The following RAD54L2 variants were observed in gnomAD, a reference collection of about 807,000 sequenced individuals.
RAD54L2 encodes the protein helicase ARIP4.
RAD54L2 carries 27 observed loss-of-function variants against 138.4 expected under a neutral mutation model. The observed-to-expected ratio is 0.20, with a 90% confidence interval of 0.14 to 0.27. The LOEUF is 0.27. Ranked by LOEUF, RAD54L2 falls within the 10% of genes least tolerant of loss-of-function variation. The probability of loss-of-function intolerance (pLI) is 1.00; values close to 1 mark genes in which losing one functional copy is unlikely to be tolerated. For missense variants in RAD54L2, 1,396 were observed against 1,890.2 expected, an observed-to-expected ratio of 0.74 and a Z score of 4.85; for synonymous variants, 644 against 723.2, an observed-to-expected ratio of 0.89 and a Z score of 1.76.
chr3:51,609,055 T>C (rs1040472370), intron 3 of RAD54L2, among the ~76,000 whole-genome samples: 2 of 152,144 alleles, frequency 1.3e-5, no homozygotes, highest in Non-Finnish European at 2.9e-5. Context: ...CACACTCGGC[T>C]AATATTTGTA....
At chr3:51,574,454 T>C (rs1699416171) in intron 2 of RAD54L2, among the ~76,000 whole-genome samples, 1 of 152,238 alleles carries the variant, frequency 6.6e-6, no homozygotes, top group South Asian at 2.1e-4. Flanking sequence ...TAGTTTACAG[T>C]CCCACCAACA....
At position 51,646,401 on chromosome 3, in the gene RAD54L2, T is replaced by C; in HGVS notation, c.2946T>C (p.Tyr982=). The change falls in exon 19 of 23, where the codon TAT becomes TAC. Residue 982 remains tyrosine (Y), a synonymous_variant. Transcript: ENST00000684192. ...YEEDKRTSVP[Y]TRPSYAQYYP... ...AAGACAAACGCACATCAGTCCCCTATACCCGCCCATCGTATGCGCAGTATT... is the reference window on the plus strand; with the variant it reads ...AAGACAAACGCACATCAGTCCCCTACACCCGCCCATCGTATGCGCAGTATT... The C allele has an allele frequency of 6.2e-7, 1 of 1,613,858 alleles. No individual in the cohort carries two copies. Among genetic ancestry groups the C allele is most frequent in the African/African-American group, 1.3e-5 (1 of 75,044 alleles).
In RAD54L2 at chr3:51,623,214, G is replaced by C. The variant is rs150582317; in HGVS notation, c.140-4339G>C. On this transcript the variant is annotated intron_variant, in intron 3 of 22. Transcript: ENST00000684192. The stretch of plus-strand genomic sequence containing the variant: ...AATTTCATCGAGGCAGTATGTGTGT[G>C]TAAGAAACATTCATTTTGTGACAAC... Among the ~76,000 whole-genome samples the C allele has an allele frequency of 6.0e-3, 919 of 152,326 alleles. 12 individuals carry two copies. Among genetic ancestry groups the C allele is most frequent in the African/African-American group, 0.019 (809 of 41,568 alleles).
chr3:51,616,941 T>C (rs1195642812), intron 3 of RAD54L2, among the ~76,000 whole-genome samples: 1 of 152,240 alleles, frequency 6.6e-6, no homozygotes, highest in Non-Finnish European at 1.5e-5. Flanking sequence ...TAGATTAGCT[T>C]TGCCTATTCT....
At chr3:51,542,856 T>C (rs1698588255) in intron 2 of RAD54L2, among the ~76,000 whole-genome samples, 1 of 152,192 alleles carries the variant, frequency 6.6e-6, no homozygotes, top group Admixed American at 6.5e-5. Flanking sequence ...TGACAGTTTG[T>C]ATGGGGAAGC....
rs978474450 is a variant in RAD54L2 at position 51,665,091 on chromosome 3, A to T, written c.*1671A>T. 2 of 152,070 alleles carry T rather than the reference A, an allele frequency of 1.3e-5. No individual in the cohort carries two copies. The highest frequency in any genetic ancestry group is 4.8e-5 in the African/African-American group (2 of 41,378). The allele number at this position is 152,070 out of a possible 1,614,324, so 9.4% of individuals were successfully genotyped here. On this transcript the variant is annotated 3_prime_UTR_variant, in exon 23 of 23. Coordinates refer to ENST00000684192, the MANE Select transcript of RAD54L2 (RefSeq NM_015106.4). ...CACCAGTCATTCTGGGTCTCCCCTT[A>T]TTGCCATTGCCAGGGGAGGGTCGTC...
intron 2 of RAD54L2, among the ~76,000 whole-genome samples, chr3:51,576,480 AC>A (rs1179223796): frequency 1.3e-5 from 2 of 152,020 alleles, no homozygotes. Context: ...CTGGTCCTGG[AC>A]TTTTTTTGGT....
intron 3 of RAD54L2, among the ~76,000 whole-genome samples, chr3:51,593,433 C>T (rs999072122): frequency 3.3e-5 from 5 of 151,350 alleles, no homozygotes; most frequent in Admixed American, 2.0e-4. Flanking sequence ...CCCAGGTTTA[C>T]GCCATTCTCC....
chr3:51,641,499 T>G (rs1701135090), intron 14 of RAD54L2, among the ~76,000 whole-genome samples: 1 of 151,768 alleles, frequency 6.6e-6, no homozygotes, highest in Non-Finnish European at 1.5e-5. Flanking sequence ...GTATTTTTAG[T>G]ACAGACGGGG....
At chr3:51,661,473 T>C (rs939362870) in intron 22 of RAD54L2, among the ~76,000 whole-genome samples, 1 of 152,238 alleles carries the variant, frequency 6.6e-6, no homozygotes, top group Non-Finnish European at 1.5e-5. Context: ...TGACAGTGCT[T>C]TTTCACAGAG....
At chr3:51,601,556 T>A (rs536827327) in intron 3 of RAD54L2, among the ~76,000 whole-genome samples, 61 of 151,968 alleles carry the variant, frequency 4.0e-4, no homozygotes, top group African/African-American at 1.2e-3. Flanking sequence ...TCCGCCCACC[T>A]CAGCCTCCCA....
chr3:51,633,871 A>C (rs1190486586), intron 8 of RAD54L2, 31 bp from the exon 9 acceptor site: 2 of 1,608,352 alleles, frequency 1.2e-6, no homozygotes, highest in Non-Finnish European at 8.5e-7. Flanking sequence ...TGTTCCATAA[A>C]ACTCTCTTTT....
chr3:51,576,421 G>T (rs1336908578), intron 2 of RAD54L2, among the ~76,000 whole-genome samples: 1 of 152,142 alleles, frequency 6.6e-6, no homozygotes, highest in Admixed American at 6.6e-5. Context: ...CAGAAGGAAT[G>T]GTACCAGCTC....
chr3:51,540,443 T>C (rs1429754460), intron 1 of RAD54L2, among the ~76,000 whole-genome samples: 1 of 152,228 alleles, frequency 6.6e-6, no homozygotes, highest in Non-Finnish European at 1.5e-5. Flanking sequence ...ATCTATATCA[T>C]TGAAAGACAG....
intron 21 of RAD54L2, among the ~76,000 whole-genome samples, chr3:51,658,630 T>C (rs1457101050): frequency 6.6e-6 from 1 of 152,192 alleles, no homozygotes; most frequent in Non-Finnish European, 1.5e-5. Context: ...GTGAGGCTCT[T>C]TGAGACTTTT....
At chr3:51,549,577 A>C (rs1480972163) in intron 2 of RAD54L2, among the ~76,000 whole-genome samples, 6 of 151,992 alleles carry the variant, frequency 3.9e-5, no homozygotes, top group African/African-American at 1.4e-4. Context: ...CAGGAGTTGG[A>C]GACCAGCCTG....
intron 3 of RAD54L2, among the ~76,000 whole-genome samples, chr3:51,606,447 G>A (rs139593687): frequency 6.6e-6 from 1 of 152,246 alleles, no homozygotes; most frequent in South Asian, 2.1e-4. Flanking sequence ...GCAAGGATGA[G>A]ATTTTTTTTC....
At chr3:51,550,155 C>T (rs746861992) in intron 2 of RAD54L2, among the ~76,000 whole-genome samples, 2 of 152,098 alleles carry the variant, frequency 1.3e-5, no homozygotes, top group African/African-American at 4.8e-5. Flanking sequence ...TTGAGCTGAT[C>T]GCTCTCTGCC....
chr3:51,548,491 A>G (rs529519741), intron 2 of RAD54L2, among the ~76,000 whole-genome samples: 1 of 152,000 alleles, frequency 6.6e-6, no homozygotes, highest in Non-Finnish European at 1.5e-5. Context: ...CCCAGCCAAC[A>G]TTTTCATATA....
Sources: gnomAD v4.1 joint callset for allele counts (sites outside exome capture counted in the v4.1 genomes callset) on GRCh38, gnomAD v4.1.1 for gene constraint, MANE v1.5 for transcripts, NCBI Gene and HGNC (gene_info 2026-07-23, HGNC 2026-07-21) for gene names.